SGMS1: variants seen among roughly 807,000 people sequenced by gnomAD.
The protein encoded by SGMS1 is sphingomyelin synthase 1.
In SGMS1, 13 loss-of-function variants were observed where a neutral mutation model predicts 46.2. The observed-to-expected ratio is 0.28, with a 90% CI of 0.18 to 0.45. SGMS1 has a LOEUF of 0.45. Among genes scored for constraint, SGMS1 ranks in the 20% least tolerant of loss-of-function variants. The probability of loss-of-function intolerance (pLI) is 1.00; values close to 1 mark genes in which losing one functional copy is unlikely to be tolerated. For missense variants in SGMS1, 324 were observed against 519.9 expected (o/e 0.62, Z 3.66); for synonymous variants, 203 against 187.8 (o/e 1.08, Z -0.66).
At chr10:50,568,183 T>A (rs1386773566) in intron 2 of SGMS1, among the ~76,000 whole-genome samples, 4 of 152,214 alleles carry the variant, frequency 2.6e-5, no homozygotes, top group African/African-American at 9.6e-5. Context: ...AACAGGTGCA[T>A]GTATACATTT....
intron 6 of SGMS1, among the ~76,000 whole-genome samples, chr10:50,356,439 G>A (rs1457846775): frequency 6.6e-6 from 1 of 151,982 alleles, no homozygotes; most frequent in African/African-American, 2.4e-5. Flanking sequence ...AAGGCGGCAG[G>A]GCCCTCTGCC....
intron 6 of SGMS1, among the ~76,000 whole-genome samples, chr10:50,412,899 A>T (rs560291189): frequency 3.6e-4 from 55 of 152,308 alleles, no homozygotes; most frequent in Non-Finnish European, 6.6e-4. Flanking sequence ...ACTTTAGTGC[A>T]TATTCTTCAT....
At chr10:50,410,990 T>C (rs11005579) in intron 6 of SGMS1, among the ~76,000 whole-genome samples, 25,197 of 152,242 alleles carry the variant, frequency 0.17, 2,572 homozygotes, top group East Asian at 0.26. Flanking sequence ...TCATTATAGG[T>C]TAGTTTAATA....
At chr10:50,329,381 A>G (rs1439835166) in intron 7 of SGMS1, among the ~76,000 whole-genome samples, 1 of 152,260 alleles carries the variant, frequency 6.6e-6, no homozygotes, top group Non-Finnish European at 1.5e-5. Context: ...GAAAACTGAA[A>G]TTTGACCATT....
At chr10:50,432,760 G>C (rs1455820042) in intron 6 of SGMS1, among the ~76,000 whole-genome samples, 2 of 152,166 alleles carry the variant, frequency 1.3e-5, no homozygotes, top group Non-Finnish European at 2.9e-5. Flanking sequence ...TTTTATGAGA[G>C]ATAGTATCAA....
chr10:50,403,305 T>C (rs904193850), intron 6 of SGMS1, among the ~76,000 whole-genome samples: 2 of 152,154 alleles, frequency 1.3e-5, no homozygotes, highest in Non-Finnish European at 2.9e-5. Flanking sequence ...CAATGTTCCA[T>C]AAAGTTTATG....
intron 8 of SGMS1, among the ~76,000 whole-genome samples, chr10:50,319,488 G>C (rs1847405332): frequency 1.3e-5 from 2 of 152,136 alleles, no homozygotes; most frequent in African/African-American, 2.4e-5. Flanking sequence ...ATGTCCTTTA[G>C]AGCTTCTTTC....
At chr10:50,357,594 G>A (rs996402590) in intron 6 of SGMS1, among the ~76,000 whole-genome samples, 9 of 152,042 alleles carry the variant, frequency 5.9e-5, no homozygotes, top group Non-Finnish European at 8.8e-5. Context: ...CAACCCCAGT[G>A]TCTCAGTTTC....
chr10:50,545,881 C>T (rs1838096846), intron 2 of SGMS1, among the ~76,000 whole-genome samples: 1 of 152,112 alleles, frequency 6.6e-6, no homozygotes, highest in African/African-American at 2.4e-5. Flanking sequence ...ACCATATCAG[C>T]CTCATAGGTC....
chr10:50,584,099 AAAC>A (rs1334136520), intron 2 of SGMS1, among the ~76,000 whole-genome samples: 2 of 152,208 alleles, frequency 1.3e-5, no homozygotes, highest in Non-Finnish European at 2.9e-5. Context: ...TTTTTCCTCT[AAAC>A]AACTATCCAT....
intron 1 of SGMS1, among the ~76,000 whole-genome samples, chr10:50,599,143 A>G (rs1838623851): frequency 6.6e-6 from 1 of 152,228 alleles, no homozygotes; most frequent in African/African-American, 2.4e-5. Context: ...AAACAGACAA[A>G]AAGAATGAGG....
intron 2 of SGMS1, among the ~76,000 whole-genome samples, chr10:50,589,322 C>A (rs1838517423): frequency 6.6e-6 from 1 of 152,122 alleles, no homozygotes; most frequent in African/African-American, 2.4e-5. Flanking sequence ...AGTACAGTGG[C>A]ATAATCATAG....
chr10:50,553,623 A>G (rs1344375714), intron 2 of SGMS1, among the ~76,000 whole-genome samples: 2 of 152,186 alleles, frequency 1.3e-5, no homozygotes, highest in Non-Finnish European at 2.9e-5. Flanking sequence ...TCAGCAAGGT[A>G]AGGCAGGTGG....
chr10:50,565,847 C>T (rs1396334472), intron 2 of SGMS1, among the ~76,000 whole-genome samples: 10 of 152,304 alleles, frequency 6.6e-5, no homozygotes, highest in Middle Eastern at 3.4e-3. Flanking sequence ...GTGCCCGTGA[C>T]GATCAGGTGC....
intron 3 of SGMS1, among the ~76,000 whole-genome samples, chr10:50,480,844 G>A (rs1837470372): frequency 6.6e-6 from 1 of 152,198 alleles, no homozygotes; most frequent in Non-Finnish European, 1.5e-5. Flanking sequence ...AAGAGACTGG[G>A]CAGTTTGGAC....
At chr10:50,519,482 A>T (rs1486549415) in intron 3 of SGMS1, among the ~76,000 whole-genome samples, 1 of 152,160 alleles carries the variant, frequency 6.6e-6, no homozygotes, top group Non-Finnish European at 1.5e-5. Flanking sequence ...AACCTTTCCT[A>T]CCTGGTTTAT....
In SGMS1 at chr10:50,307,758, G is replaced by A. The variant is rs185695735; in HGVS notation, c.1062+224C>T. On this transcript the variant is annotated intron_variant, in intron 10 of 10. Coordinates refer to ENST00000361781, the MANE Select transcript of SGMS1 (RefSeq NM_147156.4). The surrounding 1 kb of genome is among the most constrained non-coding windows in gnomAD (Gnocchi z 4.2). ...CATTTTTCAAGGACAATGAAAGTGCGTTCCTTATTCTAGAAGGAAGTAATT... is the reference window on the plus strand; with the variant it reads ...CATTTTTCAAGGACAATGAAAGTGCATTCCTTATTCTAGAAGGAAGTAATT... Among the ~76,000 whole-genome samples, 7 of 152,230 alleles carry A rather than the reference G, an allele frequency of 4.6e-5. No individual in the cohort carries two copies. In the East Asian group the frequency reaches 5.8e-4, roughly 13 times the overall value.
At chr10:50,321,896 A>G (rs1407496982) in intron 8 of SGMS1, among the ~76,000 whole-genome samples, 1 of 152,242 alleles carries the variant, frequency 6.6e-6, no homozygotes, top group African/African-American at 2.4e-5. Flanking sequence ...GGGACCCGTT[A>G]GGCTGATGGT....
At chr10:50,456,606 C>T (rs1298460624) in intron 5 of SGMS1, among the ~76,000 whole-genome samples, 1 of 152,126 alleles carries the variant, frequency 6.6e-6, no homozygotes, top group Non-Finnish European at 1.5e-5. Context: ...CAGGAAAAGT[C>T]ACATTAATAC....
Sources: gnomAD v4.1 joint callset for allele counts (sites outside exome capture counted in the v4.1 genomes callset) on GRCh38, gnomAD v4.1.1 for gene constraint, Gnocchi (gnomAD v3.1) non-coding constraint, MANE v1.5 for transcripts, NCBI Gene and HGNC (gene_info 2026-07-23, HGNC 2026-07-21) for gene names.